CAMTA1: variants seen among roughly 807,000 people sequenced by gnomAD.
CAMTA1 encodes the protein calmodulin binding transcription activator 1, also known as calmodulin-binding transcription activator 1.
A neutral mutation model predicts 170.9 loss-of-function variants in CAMTA1; 27 were observed. That is an observed-to-expected ratio of 0.16 (90% CI 0.12 to 0.22). CAMTA1 has a LOEUF of 0.22. Ranked by LOEUF, CAMTA1 falls within the 10% of genes least tolerant of loss-of-function variation. CAMTA1 has a pLI of 1.00. For synonymous variants in CAMTA1, 833 were observed against 891.5 expected (o/e 0.93, Z 1.17); for missense variants, 1,619 against 2,217.2 (o/e 0.73, Z 5.42).
At chr1:7,645,829 C>T (rs2095799356) in intron 7 of CAMTA1, among the ~76,000 whole-genome samples, 1 of 152,270 alleles carries the variant, frequency 6.6e-6, no homozygotes, top group African/African-American at 2.4e-5. Flanking sequence ...GTGCTCTGTG[C>T]ACCTCCATGC....
chr1:6,968,411 C>T (rs938164052), intron 3 of CAMTA1, among the ~76,000 whole-genome samples: 1 of 152,186 alleles, frequency 6.6e-6, no homozygotes, highest in African/African-American at 2.4e-5. Context: ...GAGTTCTCCT[C>T]CCCGCTCCCT....
intron 3 of CAMTA1, chr1:6,886,217 A>G: frequency 2.2e-6 from 1 of 456,018 alleles, no homozygotes; most frequent in Non-Finnish European, 4.4e-6. Flanking sequence ...AGAGAAGAAT[A>G]AATACTGTTT....
chr1:6,787,948 A>T (rs1639893279), intron 1 of CAMTA1, among the ~76,000 whole-genome samples: 1 of 152,244 alleles, frequency 6.6e-6, no homozygotes, highest in Non-Finnish European at 1.5e-5. Context: ...CTGTGACAGA[A>T]CTAGGAACGA....
chr1:7,127,247 CTTTTTTT>C (rs61211407), intron 4 of CAMTA1, among the ~76,000 whole-genome samples: 1 of 73,500 alleles, frequency 1.4e-5, no homozygotes, highest in Non-Finnish European at 2.4e-5. Context: ...GCCAGAGGGG[CTTTTTTT>C]TTTTTTTTTT....
chr1:7,133,681 C>T lies in CAMTA1; in HGVS notation c.302+42310C>T, dbSNP rs538679818. Among the ~76,000 whole-genome samples the T allele has an allele frequency of 2.8e-4, 43 of 152,224 alleles. 1 individual carries two copies. The highest frequency in any genetic ancestry group is 1.2e-3 in the Admixed American group (18 of 15,282). ...CCCATCATAGGTAGCAGCAGACGTC[C>T]TCCGTGATTTTCAGGGCTATAAAGG... On this transcript the variant is annotated intron_variant, in intron 4 of 22. Coordinates refer to ENST00000303635, the MANE Select transcript of CAMTA1 (RefSeq NM_015215.4).
intron 6 of CAMTA1, among the ~76,000 whole-genome samples, chr1:7,550,634 A>C (rs1575982119): frequency 8.2e-6 from 1 of 121,686 alleles, no homozygotes. Context: ...CTGGCCCCTC[A>C]CCTAACCACA....
chr1:7,530,513 C>A (rs2094478495), intron 6 of CAMTA1, among the ~76,000 whole-genome samples: 1 of 152,030 alleles, frequency 6.6e-6, no homozygotes, highest in East Asian at 1.9e-4. Context: ...CACTGTAACC[C>A]AGGTATCCTC....
chr1:7,139,011 A>G (rs1645712796), intron 4 of CAMTA1, among the ~76,000 whole-genome samples: 1 of 145,022 alleles, frequency 6.9e-6, no homozygotes, highest in South Asian at 2.1e-4. Flanking sequence ...ATATATATAT[A>G]TATATATAAT....
At chr1:6,955,486 G>A (rs1253233752) in intron 3 of CAMTA1, among the ~76,000 whole-genome samples, 16 of 152,202 alleles carry the variant, frequency 1.1e-4, no homozygotes, top group Non-Finnish European at 1.9e-4. Flanking sequence ...GATCTGGGTG[G>A]AGTCCTGGCC....
chr1:7,652,347 C>T (rs184652920), intron 7 of CAMTA1, among the ~76,000 whole-genome samples: 46 of 152,216 alleles, frequency 3.0e-4, no homozygotes, highest in Admixed American at 8.5e-4. Context: ...AAGAGCAAGT[C>T]CCCATCAGGC....
At chr1:6,895,886 C>T (rs1675552673) in intron 3 of CAMTA1, among the ~76,000 whole-genome samples, 1 of 152,268 alleles carries the variant, frequency 6.6e-6, no homozygotes, top group African/African-American at 2.4e-5. Context: ...ATTGTCTCTT[C>T]TTTTTCTTTT....
chr1:6,867,399 A>G (rs748389092), intron 3 of CAMTA1, among the ~76,000 whole-genome samples: 3 of 152,212 alleles, frequency 2.0e-5, no homozygotes, highest in Non-Finnish European at 2.9e-5. Flanking sequence ...TATTTATAGA[A>G]AGTTTTGAGA....
chr1:7,492,768 T>A (rs36158971), intron 6 of CAMTA1, among the ~76,000 whole-genome samples: 1 of 133,668 alleles, frequency 7.5e-6, no homozygotes. Flanking sequence ...CAAACCTACA[T>A]ACACAAGTGC....
chr1:7,655,043 TAC>T (rs1486418968), intron 7 of CAMTA1, among the ~76,000 whole-genome samples: 5 of 110,372 alleles, frequency 4.5e-5, no homozygotes, highest in African/African-American at 1.5e-4. Flanking sequence ...CACCCACCTA[TAC>T]ACACACCTAT....
chr1:7,460,770 C>T (rs1050544494), intron 5 of CAMTA1, among the ~76,000 whole-genome samples: 1 of 152,158 alleles, frequency 6.6e-6, no homozygotes, highest in African/African-American at 2.4e-5. Flanking sequence ...TCATCTTTGT[C>T]GTGGGTACAT....
At chr1:7,167,672 C>T (rs1262814570) in intron 4 of CAMTA1, among the ~76,000 whole-genome samples, 1 of 152,120 alleles carries the variant, frequency 6.6e-6, no homozygotes, top group Non-Finnish European at 1.5e-5. Flanking sequence ...ATTGGAATTA[C>T]ATTAAATCTG....
intron 11 of CAMTA1, among the ~76,000 whole-genome samples, chr1:7,701,226 C>T (rs1436267402): frequency 6.6e-6 from 1 of 152,110 alleles, no homozygotes; most frequent in Non-Finnish European, 1.5e-5. Flanking sequence ...TTCGTCTTAC[C>T]CTCTATGGAA....
At chr1:7,734,078 G>A (rs577457255) in intron 12 of CAMTA1, among the ~76,000 whole-genome samples, 65 of 152,290 alleles carry the variant, frequency 4.3e-4, no homozygotes, top group Non-Finnish European at 9.0e-4. Context: ...CTCCCAAGTA[G>A]CTGGGATTAC....
intron 6 of CAMTA1, among the ~76,000 whole-genome samples, chr1:7,473,832 C>A (rs2149579148): frequency 6.6e-6 from 1 of 152,356 alleles, no homozygotes. Flanking sequence ...TAGTTTTTCT[C>A]CACTGACGCC....
Sources: allele counts gnomAD v4.1 joint callset (sites outside exome capture counted in the v4.1 genomes callset), GRCh38; gene constraint gnomAD v4.1.1; transcripts MANE v1.5; gene names NCBI Gene and HGNC (gene_info 2026-07-23, HGNC 2026-07-21).